Variants in EIF4G3 observed in about 807,000 individuals in gnomAD.
EIF4G3 encodes eukaryotic translation initiation factor 4 gamma 3.
A neutral mutation model predicts 186.4 loss-of-function variants in EIF4G3; 34 were observed. The observed-to-expected ratio is 0.18, with a 90% CI of 0.14 to 0.24. The LOEUF is 0.24. Among genes scored for constraint, EIF4G3 ranks in the 10% least tolerant of loss-of-function variants. The pLI, the probability that EIF4G3 is intolerant of heterozygous loss-of-function variation, is 1.00. For synonymous variants in EIF4G3, 673 were observed against 679.5 expected (o/e 0.99, Z 0.15); for missense variants, 1,536 against 1,948.5 (o/e 0.79, Z 3.99).
chr1:20,831,368 T>C (rs2065126002), intron 30 of EIF4G3, among the ~76,000 whole-genome samples: 1 of 151,284 alleles, frequency 6.6e-6, no homozygotes. Flanking sequence ...TTTTTTCCTG[T>C]AGTACCTTAG....
Position 20,899,533 on chromosome 1 carries a change from TG to T in EIF4G3, c.1999+163del, listed in dbSNP as rs370821131. On this transcript the variant is annotated intron_variant, in intron 16 of 36. Transcript: ENST00000602326. ...TCATTTCCAGCAATACAGAACTCTC[TG>T]GATTTGCTAGTCACTAACTTGGGCT... Among the ~76,000 whole-genome samples, 738 of 152,318 alleles carry T rather than the reference TG, an allele frequency of 4.8e-3. 6 individuals carry two copies. The highest frequency in any genetic ancestry group is 0.017 in the African/African-American group (703 of 41,564).
intron 18 of EIF4G3, among the ~76,000 whole-genome samples, chr1:20,887,781 A>C (rs1402296619): frequency 6.6e-6 from 1 of 152,200 alleles, no homozygotes; most frequent in Admixed American, 6.5e-5. Context: ...CAGTACTACT[A>C]TAAGAACATA....
intron 19 of EIF4G3, among the ~76,000 whole-genome samples, chr1:20,883,894 T>C (rs1043543869): frequency 7.2e-5 from 11 of 152,094 alleles, no homozygotes; most frequent in Admixed American, 3.3e-4. Flanking sequence ...GTGTTTCAGG[T>C]AGATGACTCA....
chr1:21,094,464 C>CT (rs1204328095), intron 2 of EIF4G3, among the ~76,000 whole-genome samples: 5 of 151,992 alleles, frequency 3.3e-5, no homozygotes, highest in Non-Finnish European at 7.4e-5. Flanking sequence ...AGTTCATGTC[C>CT]TTTGTAGGGA....
chr1:20,826,012 A>G (rs2063522090), intron 32 of EIF4G3, among the ~76,000 whole-genome samples: 1 of 152,244 alleles, frequency 6.6e-6, no homozygotes, highest in South Asian at 2.1e-4. Context: ...TTCATAGAGT[A>G]ACTTGTCCAA....
chr1:20,998,996 T>C (rs371970468), intron 6 of EIF4G3: 10 of 239,256 alleles, frequency 4.2e-5, no homozygotes, highest in East Asian at 2.0e-4. Flanking sequence ...TTATGTGCAA[T>C]AGTGATTTGC....
chr1:20,929,174 T>C (rs971767049), intron 14 of EIF4G3, among the ~76,000 whole-genome samples: 2 of 152,198 alleles, frequency 1.3e-5, no homozygotes, highest in Non-Finnish European at 2.9e-5. Flanking sequence ...CCTATTCATT[T>C]TCCCCCCCAT....
intron 14 of EIF4G3, among the ~76,000 whole-genome samples, chr1:20,925,216 A>G (rs532915902): frequency 2.0e-5 from 3 of 152,314 alleles, no homozygotes. Context: ...ACTCATTTGT[A>G]AGATATACAG....
intron 2 of EIF4G3, among the ~76,000 whole-genome samples, chr1:21,100,285 G>A (rs970649741): frequency 5.9e-5 from 9 of 152,146 alleles, no homozygotes; most frequent in African/African-American, 2.2e-4. Context: ...AAACTGTGGT[G>A]ATGGATGCAC....
chr1:20,882,629 A>C (rs200359867), intron 19 of EIF4G3, among the ~76,000 whole-genome samples: 8 of 102,540 alleles, frequency 7.8e-5, no homozygotes, highest in East Asian at 1.4e-3. Context: ...TCAAAAAAAA[A>C]CAAAAAAAAA....
chr1:20,948,336 A>T (rs1045062150), intron 13 of EIF4G3, among the ~76,000 whole-genome samples: 37 of 152,358 alleles, frequency 2.4e-4, no homozygotes, highest in Non-Finnish European at 3.2e-4. Context: ...TATTTAAAGA[A>T]TTCGCTTGAA....
chr1:20,888,659 T>C (rs1046090361), intron 18 of EIF4G3, among the ~76,000 whole-genome samples: 4 of 152,154 alleles, frequency 2.6e-5, no homozygotes, highest in African/African-American at 7.2e-5. Flanking sequence ...TTTTCTCATA[T>C]ATACAATGCC....
chr1:20,981,759 TAC>T (rs201810860), intron 8 of EIF4G3, among the ~76,000 whole-genome samples: 7,451 of 147,804 alleles, frequency 0.05, 565 homozygotes, highest in Admixed American at 0.11. Context: ...CATATATGTA[TAC>T]ACACATACTG....
At chr1:21,004,022 G>A (rs1300335339) in intron 4 of EIF4G3, 1 of 162,142 alleles carries the variant, frequency 6.2e-6, no homozygotes, top group Non-Finnish European at 1.3e-5. Flanking sequence ...AATTCATCTA[G>A]TTCTGAAATG....
chr1:21,044,727 A>G lies in EIF4G3; in HGVS notation c.-67+6139T>C, dbSNP rs533011528. Among the ~76,000 whole-genome samples the G allele has an allele frequency of 1.5e-4, 23 of 149,702 alleles. 1 individual carries two copies. Among genetic ancestry groups the G allele is most frequent in the Middle Eastern group, 3.4e-3 (1 of 290 alleles). ...TAATGGTGTGATCCCAGCTCACTGC[A>G]GCCTTAACATCCCAGTCTCAAGCGA... On this transcript the variant is annotated intron_variant, in intron 4 of 36. Coordinates refer to ENST00000602326, the MANE Select transcript of EIF4G3 (RefSeq NM_001391906.1).
At chr1:21,090,557 A>G (rs1557909786) in intron 2 of EIF4G3, among the ~76,000 whole-genome samples, 1 of 152,242 alleles carries the variant, frequency 6.6e-6, no homozygotes, top group Non-Finnish European at 1.5e-5. Flanking sequence ...TTCTTGATCA[A>G]TGGTAATCAT....
At chr1:20,822,169 C>T (rs2062546546) in intron 33 of EIF4G3, among the ~76,000 whole-genome samples, 1 of 152,118 alleles carries the variant, frequency 6.6e-6, no homozygotes, top group Admixed American at 6.5e-5. Context: ...AGCCACCACG[C>T]CTGGCTGATG....
At chr1:21,042,826 G>A (rs2093658107) in intron 4 of EIF4G3, among the ~76,000 whole-genome samples, 1 of 152,160 alleles carries the variant, frequency 6.6e-6, no homozygotes, top group Non-Finnish European at 1.5e-5. Context: ...AAATTGAAGA[G>A]TCAAACTGCA....
intron 4 of EIF4G3, among the ~76,000 whole-genome samples, chr1:21,031,183 C>CA (rs35916269): frequency 0.03 from 4,330 of 142,984 alleles, 78 homozygotes; most frequent in Non-Finnish European, 0.041. Flanking sequence ...GAGACTGTCT[C>CA]AAAAAAAAAA....
Sources: allele counts gnomAD v4.1 joint callset (sites outside exome capture counted in the v4.1 genomes callset), GRCh38; gene constraint gnomAD v4.1.1; transcripts MANE v1.5; gene names NCBI Gene and HGNC (gene_info 2026-07-23, HGNC 2026-07-21).